LARGE1: variants seen among roughly 807,000 people sequenced by gnomAD.
LARGE1 encodes xylosyl- and glucuronyltransferase LARGE1.
A neutral mutation model predicts 87.6 loss-of-function variants in LARGE1; 43 were observed. The ratio of observed to expected loss-of-function variants is 0.49; its 90% CI spans 0.38 to 0.63. LARGE1 has a LOEUF of 0.63. Ranked by LOEUF, LARGE1 falls within the 30% of genes least tolerant of loss-of-function variation. LARGE1 has a pLI of 0.00. For missense variants in LARGE1, 802 were observed against 1,000.2 expected (o/e 0.80, Z 2.67); for synonymous variants, 434 against 394.6 (o/e 1.10, Z -1.18).
chr22:33,140,131 C>G, the LARGE1 span, among the ~76,000 whole-genome samples: 11 of 152,290 alleles, frequency 7.2e-5, no homozygotes, highest in Non-Finnish European at 1.2e-4. Context: ...GGTGGAAGAA[C>G]TCTGGGCTGC....
chr22:33,079,558 T>C, the LARGE1 span, among the ~76,000 whole-genome samples: 2 of 152,018 alleles, frequency 1.3e-5, no homozygotes, highest in African/African-American at 2.4e-5. Context: ...CCTACAACTT[T>C]TATTATTTTT....
intron 1 of LARGE1, among the ~76,000 whole-genome samples, chr22:33,885,383 G>C (rs1165356751): frequency 1.3e-5 from 2 of 152,188 alleles, no homozygotes; most frequent in African/African-American, 4.8e-5. Flanking sequence ...GTACACACCA[G>C]TACTTCAGAT....
At chr22:33,519,591 T>C (rs571248145) in intron 6 of LARGE1, among the ~76,000 whole-genome samples, 1 of 152,042 alleles carries the variant, frequency 6.6e-6, no homozygotes, top group Non-Finnish European at 1.5e-5. Context: ...TATTCCCAAA[T>C]TGAAAAAACA....
At chr22:33,687,179 G>C (rs2081970840) in intron 2 of LARGE1, among the ~76,000 whole-genome samples, 1 of 144,220 alleles carries the variant, frequency 6.9e-6, no homozygotes, top group South Asian at 2.2e-4. Flanking sequence ...TTGTTTGGTA[G>C]AGATGGGGTT....
In LARGE1 at chr22:33,313,460, A is replaced by AC. The variant is rs202009736; in HGVS notation, c.1451+2624dup. On this transcript the variant is annotated intron_variant, in intron 11 of 14. Coordinates refer to ENST00000397394, the MANE Select transcript of LARGE1 (RefSeq NM_133642.5). ...AGTGACAGGCAGAGTTCTATGAGGG[A>AC]CCCCCCAGATTCCCGCCCCGCTGGC... is the stretch of plus-strand genomic sequence containing the variant. Among the ~76,000 whole-genome samples the AC allele has an allele frequency of 7.1e-3, 1,063 of 149,406 alleles. 5 individuals are homozygous for AC. The highest frequency in any genetic ancestry group is 0.01 in the Non-Finnish European group (701 of 67,116).
At chr22:33,871,982 C>CAAAAAAAAAAAAA (rs58105742) in intron 1 of LARGE1, among the ~76,000 whole-genome samples, 13 of 86,774 alleles carry the variant, frequency 1.5e-4, no homozygotes, top group Non-Finnish European at 2.4e-4. Flanking sequence ...TCTAAATCAG[C>CAAAAAAAAAAAAA]AAAAAAAAAA....
At chr22:33,441,071 C>CTTTTTT (rs35976426) in intron 6 of LARGE1, among the ~76,000 whole-genome samples, 35 of 98,514 alleles carry the variant, frequency 3.6e-4, no homozygotes, top group South Asian at 6.8e-4. Flanking sequence ...TTTGTTTGAA[C>CTTTTTT]TTTTTTTTTT....
chr22:33,429,197 A>T (rs186540788), intron 7 of LARGE1, among the ~76,000 whole-genome samples: 1 of 152,072 alleles, frequency 6.6e-6, no homozygotes. Flanking sequence ...ACATGTCTGG[A>T]TGACTCATTC....
At chr22:33,488,247 A>G (rs1271505809) in intron 6 of LARGE1, among the ~76,000 whole-genome samples, 1 of 152,270 alleles carries the variant, frequency 6.6e-6, no homozygotes, top group Non-Finnish European at 1.5e-5. Context: ...CATGCCAGGC[A>G]CATCTCCTGT....
At position 33,876,630 on chromosome 22, in the gene LARGE1, T is replaced by C. The variant is rs540494725; in HGVS notation, c.-83+43365A>G. The stretch of plus-strand genomic sequence containing the variant: ...CATGGACACAGGGAGGAGAACAACA[T>C]ACAACAGGGCCTGTCGGGGTGCGGG... On this transcript the variant is annotated intron_variant, in intron 1 of 14. Transcript: ENST00000397394. Among the ~76,000 whole-genome samples, 59 of 142,886 alleles carry C rather than the reference T, an allele frequency of 4.1e-4. 1 individual carries two copies. The South Asian group carries it at 9.8e-3, about 24-fold the overall frequency. 93.7% of individuals were successfully genotyped at this position (142,886 alleles called of 152,430 possible).
At chr22:33,771,174 C>CTT (rs577979720) in intron 1 of LARGE1, among the ~76,000 whole-genome samples, 56 of 140,654 alleles carry the variant, frequency 4.0e-4, no homozygotes, top group East Asian at 2.5e-3. Flanking sequence ...TATTTTTTTG[C>CTT]TTTTTTTTTT....
At chr22:33,742,361 T>C (rs1006686101) in intron 2 of LARGE1, among the ~76,000 whole-genome samples, 14 of 152,348 alleles carry the variant, frequency 9.2e-5, no homozygotes, top group African/African-American at 2.6e-4. Context: ...CATGTGATGA[T>C]GTAGCTGTTC....
chr22:33,756,461 C>T (rs940928046), intron 2 of LARGE1, among the ~76,000 whole-genome samples: 10 of 152,206 alleles, frequency 6.6e-5, no homozygotes, highest in African/African-American at 2.4e-4. Flanking sequence ...AGGAAGCCTG[C>T]TAGTTAAGGG....
intron 1 of LARGE1, among the ~76,000 whole-genome samples, chr22:33,811,295 A>G (rs1038254593): frequency 6.6e-6 from 1 of 152,216 alleles, no homozygotes; most frequent in Middle Eastern, 3.2e-3. Context: ...CCTGAGCAAC[A>G]GTACAAGCAC....
Position 33,384,362 on chromosome 22 carries a change from G to A in LARGE1, c.893-58C>T, listed in dbSNP as rs867606539. 13 of 975,400 alleles carry A rather than the reference G, an allele frequency of 1.3e-5. No individual in the cohort carries two copies. In the South Asian group the frequency reaches 2.8e-4, roughly 21 times the overall value. The allele number at this position is 975,400 out of a possible 1,614,324, so 60.4% of individuals were successfully genotyped here. A position where few individuals can be genotyped will look rare whatever the true frequency, so the allele number is the denominator to read the frequency against. ...AAAAAATAAAAAAGATGGAGAGCTA[G>A]GCACACCTACTCACATCACAGCCAC... is the stretch of plus-strand genomic sequence containing the variant. On this transcript the variant is annotated intron_variant, in intron 7 of 14. Transcript: ENST00000397394.
At chr22:33,406,281 CACCTGCAGGTCTT>C (rs553747510) in intron 7 of LARGE1, among the ~76,000 whole-genome samples, 176 of 152,172 alleles carry the variant, frequency 1.2e-3, no homozygotes, top group Non-Finnish European at 2.2e-3. Flanking sequence ...GTGCCCCCTC[CACCTGCAGGTCTT>C]CCCTTCCCCA....
chr22:33,783,296 G>C (rs1011520569), intron 1 of LARGE1, among the ~76,000 whole-genome samples: 1 of 152,136 alleles, frequency 6.6e-6, no homozygotes, highest in African/African-American at 2.4e-5. Context: ...AAAGGGACTA[G>C]AAGGCTGAGA....
chr22:33,709,344 G>A (rs2149396712), intron 2 of LARGE1, among the ~76,000 whole-genome samples: 1 of 152,206 alleles, frequency 6.6e-6, no homozygotes, highest in African/African-American at 2.4e-5. Flanking sequence ...CTGGCGTCAG[G>A]CCCTGTTTTA....
chr22:33,888,667 G>A (rs1296388546), intron 1 of LARGE1, among the ~76,000 whole-genome samples: 5 of 152,072 alleles, frequency 3.3e-5, no homozygotes, highest in Admixed American at 6.6e-5. Flanking sequence ...ACCAGCCTGG[G>A]CAACATGGCG....
Sources: gnomAD v4.1 joint callset for allele counts (sites outside exome capture counted in the v4.1 genomes callset) on GRCh38, gnomAD v4.1.1 for gene constraint, MANE v1.5 for transcripts, NCBI Gene and HGNC (gene_info 2026-07-23, HGNC 2026-07-21) for gene names.